PDZD2: variants seen among roughly 807,000 people sequenced by gnomAD.
PDZD2 encodes the protein PDZ domain containing 2.
Under a neutral mutation model 220.7 loss-of-function variants are expected in PDZD2, and 90 were observed. The observed-to-expected ratio is 0.41, with a 90% CI of 0.34 to 0.49. PDZD2 has a LOEUF of 0.49. PDZD2 is among the 20% of genes least tolerant of loss of function. The pLI is 0.28. For synonymous variants in PDZD2, 1,375 were observed against 1,450.5 expected (o/e 0.95, Z 1.18); for missense variants, 3,174 against 3,608.5 (o/e 0.88, Z 3.08).
intron 1 of PDZD2, among the ~76,000 whole-genome samples, chr5:31,750,772 C>T (rs1354419380): frequency 1.3e-5 from 2 of 152,120 alleles, no homozygotes; most frequent in East Asian, 1.9e-4. Flanking sequence ...GAGGGGCTGC[C>T]GGGCACTTGG....
chr5:31,658,012 A>G (rs777926057), intron 1 of PDZD2, among the ~76,000 whole-genome samples: 2 of 152,106 alleles, frequency 1.3e-5, no homozygotes, highest in African/African-American at 4.8e-5. Context: ...CAAATTCTCT[A>G]CACAAAATAA....
chr5:31,961,529 G>A (rs905485361), intron 2 of PDZD2, among the ~76,000 whole-genome samples: 3 of 152,072 alleles, frequency 2.0e-5, no homozygotes, highest in African/African-American at 7.2e-5. Flanking sequence ...GTGAAATCCT[G>A]TCTCAAAAAA....
chr5:31,872,745 T>C (rs922167736), intron 2 of PDZD2, among the ~76,000 whole-genome samples: 2 of 152,100 alleles, frequency 1.3e-5, no homozygotes, highest in Non-Finnish European at 2.9e-5. Context: ...AGGATATATA[T>C]GCACACACAT....
At position 32,108,168 on chromosome 5, in the gene PDZD2, C is replaced by A; in HGVS notation, c.*33C>A. ...CAAGAATCATTTTCTCAGTTCTCTTCTTTCTTTAGCAAATCAGAGTGACTT... is the reference window on the plus strand; with the variant it reads ...CAAGAATCATTTTCTCAGTTCTCTTATTTCTTTAGCAAATCAGAGTGACTT... On this transcript the variant is annotated 3_prime_UTR_variant, in exon 25 of 25. Transcript: ENST00000438447. 1 of 1,481,752 alleles carries A rather than the reference C, an allele frequency of 6.7e-7. No homozygotes were observed. The highest frequency in any genetic ancestry group is 9.3e-7 in the Non-Finnish European group (1 of 1,074,910). 91.8% of individuals were successfully genotyped at this position (1,481,752 alleles called of 1,614,324 possible).
At chr5:31,995,328 C>T (rs555380194) in intron 3 of PDZD2, among the ~76,000 whole-genome samples, 8 of 152,348 alleles carry the variant, frequency 5.3e-5, no homozygotes, top group East Asian at 1.9e-4. Context: ...CAATAGCCAC[C>T]TGTGGCTGGT....
chr5:31,655,441 G>T (rs2150108990), intron 1 of PDZD2, among the ~76,000 whole-genome samples: 1 of 152,240 alleles, frequency 6.6e-6, no homozygotes, highest in African/African-American at 2.4e-5. Context: ...AAAGCGCGGG[G>T]ATTACAGGCA....
chr5:32,060,344 C>G (rs569024694), intron 13 of PDZD2, among the ~76,000 whole-genome samples: 1 of 152,146 alleles, frequency 6.6e-6, no homozygotes, highest in South Asian at 2.1e-4. Context: ...TATAAAGAGT[C>G]TTTGTTCTCT....
At position 32,077,955 on chromosome 5, in the gene PDZD2, CA is replaced by C. The variant is rs60262313; in HGVS notation, c.3682+359del. The C allele has an allele frequency of 7.3e-5, 9 of 123,500 alleles. 1 individual carries two copies. Among genetic ancestry groups the C allele is most frequent in the South Asian group, 2.9e-4 (1 of 3,434 alleles). The allele number at this position is 123,500 out of a possible 1,614,324, so 7.7% of individuals were successfully genotyped here. A position where few individuals can be genotyped will look rare whatever the true frequency, so the allele number is the denominator to read the frequency against. On this transcript the variant is annotated intron_variant, in intron 19 of 24. Transcript: ENST00000438447. ...CTGGGCAACAAGAGCAAGACTCTGT[CA>C]AAAAAAAAAGAAAAAAGAAAGAAAG...
chr5:31,705,175 T>TACAC (rs755393785), intron 1 of PDZD2, among the ~76,000 whole-genome samples: 1,325 of 84,202 alleles, frequency 0.016, 7 homozygotes, highest in Non-Finnish European at 0.019. Context: ...AATACATGTA[T>TACAC]ACACACACAC....
intron 19 of PDZD2, among the ~76,000 whole-genome samples, chr5:32,079,864 G>A (rs1479216714): frequency 6.6e-6 from 1 of 152,004 alleles, no homozygotes; most frequent in African/African-American, 2.4e-5. Flanking sequence ...ATACCCTGAT[G>A]GCTACTCACA....
chr5:31,987,962 TCAACCTG>T (rs997200887), intron 3 of PDZD2, among the ~76,000 whole-genome samples: 1 of 152,186 alleles, frequency 6.6e-6, no homozygotes, highest in Non-Finnish European at 1.5e-5. Context: ...ATCCTGCAGC[TCAACCTG>T]CCTCTCTCTT....
intron 1 of PDZD2, among the ~76,000 whole-genome samples, chr5:31,729,094 G>A (rs921746607): frequency 2.3e-5 from 3 of 128,402 alleles, no homozygotes; most frequent in East Asian, 2.6e-4. Flanking sequence ...GAAAGTGATC[G>A]AAATCTTTTT....
At chr5:31,844,335 T>C (rs1382162182) in intron 2 of PDZD2, among the ~76,000 whole-genome samples, 1 of 152,174 alleles carries the variant, frequency 6.6e-6, no homozygotes, top group African/African-American at 2.4e-5. Context: ...TCAAGTCAGC[T>C]ATAAAGAAAA....
intron 24 of PDZD2, among the ~76,000 whole-genome samples, chr5:32,106,919 C>G (rs1744822421): frequency 6.6e-6 from 1 of 152,200 alleles, no homozygotes; most frequent in Admixed American, 6.5e-5. Context: ...CTATCATTTA[C>G]CACAGAAAAT....
chr5:31,894,853 C>T (rs1162346691), intron 2 of PDZD2, among the ~76,000 whole-genome samples: 1 of 152,134 alleles, frequency 6.6e-6, no homozygotes, highest in Non-Finnish European at 1.5e-5. Flanking sequence ...ACCTCATTTT[C>T]TCAATCTTGT....
In PDZD2 at chr5:31,855,352, G is replaced by A. The variant is rs544177067; in HGVS notation, c.476+55628G>A. The stretch of plus-strand genomic sequence containing the variant: ...TGGGGTGTGTTGTTTTTAAAGTGGG[G>A]GATTTGCGTGTTGAGAGACGGTTTG... On this transcript the variant is annotated intron_variant, in intron 2 of 24. Coordinates refer to ENST00000438447, the MANE Select transcript of PDZD2 (RefSeq NM_178140.4). Among the ~76,000 whole-genome samples the A allele has an allele frequency of 7.1e-4, 108 of 152,374 alleles. 2 individuals carry two copies. In the South Asian group the frequency reaches 0.022, roughly 31 times the overall value.
intron 1 of PDZD2, among the ~76,000 whole-genome samples, chr5:31,794,295 C>T (rs1753883437): frequency 6.6e-6 from 1 of 151,790 alleles, no homozygotes. Flanking sequence ...CTTTCTGGGA[C>T]ATTGTTTTGT....
intron 1 of PDZD2, among the ~76,000 whole-genome samples, chr5:31,683,559 GGA>G (rs1313242708): frequency 6.6e-6 from 1 of 152,116 alleles, no homozygotes; most frequent in Non-Finnish European, 1.5e-5. Context: ...TTACATAGAA[GGA>G]TAATAAAGCA....
At chr5:32,037,149 T>G in intron 6 of PDZD2, 82 bp from the exon 7 acceptor site, 275 of 830,804 alleles carry the variant, frequency 3.3e-4, no homozygotes, top group Non-Finnish European at 4.4e-4. Flanking sequence ...CCTTGAGCCT[T>G]GAGATAACAT....
Sources: gnomAD v4.1 joint callset for allele counts (sites outside exome capture counted in the v4.1 genomes callset) on GRCh38, gnomAD v4.1.1 for gene constraint, MANE v1.5 for transcripts, NCBI Gene and HGNC (gene_info 2026-07-23, HGNC 2026-07-21) for gene names.